ZRANB3: variants seen among roughly 807,000 people sequenced by gnomAD.
ZRANB3 encodes the protein DNA annealing helicase and endonuclease ZRANB3.
In ZRANB3, 125 loss-of-function variants were observed where a neutral mutation model predicts 133.8. That is an observed-to-expected ratio of 0.93 (90% CI 0.81 to 1.08). The LOEUF is 1.08. Among genes scored for constraint, ZRANB3 ranks in the 50% least tolerant of loss-of-function variants. The probability of loss-of-function intolerance (pLI) is 0.00; values close to 1 mark genes in which losing one functional copy is unlikely to be tolerated. For synonymous variants in ZRANB3, 387 were observed against 432.7 expected (o/e 0.89, Z 1.31); for missense variants, 1,229 against 1,275.5 (o/e 0.96, Z 0.56).
chr2:135,431,108 C>G (rs1689299825), intron 2 of ZRANB3, among the ~76,000 whole-genome samples: 1 of 148,734 alleles, frequency 6.7e-6, no homozygotes, highest in South Asian at 2.1e-4. Context: ...GACTCTATCC[C>G]TAAAAAAAAA....
At chr2:135,345,109 A>C (rs1020077744) in intron 6 of ZRANB3, 2 of 152,254 alleles carry the variant, frequency 1.3e-5, no homozygotes, top group Non-Finnish European at 2.9e-5. Context: ...AAAAATAAAA[A>C]CAAAGGAAAA....
chr2:135,479,591 A>G (rs1243003897), intron 2 of ZRANB3, among the ~76,000 whole-genome samples: 2 of 152,192 alleles, frequency 1.3e-5, no homozygotes, highest in Admixed American at 1.3e-4. Context: ...GCTTGAATCC[A>G]GGAGGCGGAG....
At chr2:135,400,441 G>C (rs1247953551) in intron 2 of ZRANB3, among the ~76,000 whole-genome samples, 1 of 151,810 alleles carries the variant, frequency 6.6e-6, no homozygotes, top group South Asian at 2.1e-4. Flanking sequence ...CGCCTCCTGG[G>C]TTCAAGTGGT....
intron 2 of ZRANB3, among the ~76,000 whole-genome samples, chr2:135,411,250 A>G (rs755400319): frequency 6.6e-6 from 1 of 152,084 alleles, no homozygotes; most frequent in Non-Finnish European, 1.5e-5. Flanking sequence ...AAAAAAGAAA[A>G]CATATATAAC....
At chr2:135,477,488 T>G (rs1350007009) in intron 2 of ZRANB3, among the ~76,000 whole-genome samples, 1 of 152,184 alleles carries the variant, frequency 6.6e-6, no homozygotes, top group African/African-American at 2.4e-5. Flanking sequence ...CCCTCTTCCT[T>G]ACCTCCAAGG....
chr2:135,388,720 G>A (rs927774751), intron 3 of ZRANB3, among the ~76,000 whole-genome samples: 7 of 152,114 alleles, frequency 4.6e-5, no homozygotes, highest in African/African-American at 1.2e-4. Flanking sequence ...GACTAAAAAC[G>A]TAAGCCTCTT....
chr2:135,232,991 T>C (rs571044974), intron 12 of ZRANB3, among the ~76,000 whole-genome samples: 56 of 152,046 alleles, frequency 3.7e-4, no homozygotes, highest in African/African-American at 1.3e-3. Flanking sequence ...AATCAAACTA[T>C]TCCGAGCTAA....
intron 1 of ZRANB3, among the ~76,000 whole-genome samples, chr2:135,521,673 G>T (rs539004578): frequency 1.3e-5 from 2 of 152,106 alleles, no homozygotes; most frequent in Non-Finnish European, 2.9e-5. Flanking sequence ...AACACAATGC[G>T]ATAAGTGCTA....
chr2:135,406,897 T>C (rs575732127), intron 2 of ZRANB3, among the ~76,000 whole-genome samples: 22 of 152,308 alleles, frequency 1.4e-4, no homozygotes, highest in African/African-American at 5.1e-4. Flanking sequence ...AAGCATTCCC[T>C]TCAAAACATG....
At chr2:135,356,400 T>C (rs1030650870) in intron 3 of ZRANB3, among the ~76,000 whole-genome samples, 2 of 152,058 alleles carry the variant, frequency 1.3e-5, no homozygotes, top group African/African-American at 4.8e-5. Context: ...CATAAATATA[T>C]ATAATTTTTA....
Position 135,211,039 on chromosome 2 carries a change from A to G in ZRANB3, c.2496-2061T>C, listed in dbSNP as rs199549700. ...GAGAGACTCTGTCTCAAAAAAAAGA[A>G]AGAAAGAAAAATAAAATAAGAAATA... On this transcript the variant is annotated intron_variant, in intron 17 of 20. Coordinates refer to ENST00000264159, the MANE Select transcript of ZRANB3 (RefSeq NM_032143.4). Among the ~76,000 whole-genome samples the G allele has an allele frequency of 6.6e-5, 10 of 152,240 alleles. No homozygotes were observed. The East Asian group carries it at 1.5e-3, about 24-fold the overall frequency.
At position 135,345,541 on chromosome 2, in the gene ZRANB3, T is replaced by G; in HGVS notation, c.677+9A>C. On this transcript the variant is annotated intron_variant, in intron 6 of 20. Coordinates refer to ENST00000264159, the MANE Select transcript of ZRANB3 (RefSeq NM_032143.4). ...GAGGAAAAAATTTACGGAAAATAGT[T>G]TAACTTACCTGATGTGTGCATTACA... 6.3e-7 allele frequency: 1 copy of G among 1,591,334 alleles called. No individual in the cohort carries two copies. The highest frequency in any genetic ancestry group is 1.2e-5 in the South Asian group (1 of 86,368).
intron 12 of ZRANB3, among the ~76,000 whole-genome samples, chr2:135,242,432 G>A (rs891524301): frequency 2.0e-5 from 3 of 151,872 alleles, no homozygotes; most frequent in African/African-American, 7.3e-5. Flanking sequence ...ATTCATTATA[G>A]TAGACACTCA....
intron 2 of ZRANB3, among the ~76,000 whole-genome samples, chr2:135,411,792 G>A (rs1162818380): frequency 6.6e-6 from 1 of 152,088 alleles, no homozygotes; most frequent in Non-Finnish European, 1.5e-5. Context: ...GGCGGGCAAG[G>A]GTTGAAAAAC....
At chr2:135,487,512 C>CA (rs1692176997) in intron 2 of ZRANB3, among the ~76,000 whole-genome samples, 1 of 152,240 alleles carries the variant, frequency 6.6e-6, no homozygotes, top group African/African-American at 2.4e-5. Flanking sequence ...CATCTACATT[C>CA]AAAATCTGTT....
chr2:135,377,989 C>T (rs1686502897), intron 3 of ZRANB3, among the ~76,000 whole-genome samples: 1 of 152,198 alleles, frequency 6.6e-6, no homozygotes, highest in Admixed American at 6.5e-5. Flanking sequence ...TATCTTTCTG[C>T]TGTGCTAGAT....
At chr2:135,301,865 C>T (rs1035582232) in intron 8 of ZRANB3, among the ~76,000 whole-genome samples, 10 of 152,112 alleles carry the variant, frequency 6.6e-5, no homozygotes, top group Admixed American at 1.3e-4. Context: ...ATTGCAAGTT[C>T]CTTGAGAGGA....
intron 3 of ZRANB3, among the ~76,000 whole-genome samples, chr2:135,373,202 G>C (rs1686263824): frequency 6.6e-6 from 1 of 152,112 alleles, no homozygotes; most frequent in South Asian, 2.1e-4. Flanking sequence ...CATTTGTTCA[G>C]GAGACATTAA....
At chr2:135,457,425 T>G (rs1186372352) in intron 2 of ZRANB3, among the ~76,000 whole-genome samples, 1 of 152,118 alleles carries the variant, frequency 6.6e-6, no homozygotes, top group Admixed American at 6.5e-5. Flanking sequence ...CAATTAGGAG[T>G]GCATGAGGAT....
Sources: gnomAD v4.1 joint callset for allele counts (sites outside exome capture counted in the v4.1 genomes callset) on GRCh38, gnomAD v4.1.1 for gene constraint, MANE v1.5 for transcripts, NCBI Gene and HGNC (gene_info 2026-07-23, HGNC 2026-07-21) for gene names.